Variants in TACC1 observed in about 807,000 individuals in gnomAD.
The protein encoded by TACC1 is transforming acidic coiled-coil containing protein 1.
A neutral mutation model predicts 84.4 loss-of-function variants in TACC1; 48 were observed. The observed-to-expected ratio is 0.57, with a 90% CI of 0.45 to 0.72. TACC1 has a LOEUF of 0.72. Among genes scored for constraint, TACC1 ranks in the 30% least tolerant of loss-of-function variants. TACC1 has a pLI of 0.00. For synonymous variants in TACC1, 372 were observed against 376.3 expected (o/e 0.99, Z 0.13); for missense variants, 920 against 973.0 (o/e 0.95, Z 0.72).
chr8:38,829,483 T>A (rs978188947), intron 5 of TACC1, among the ~76,000 whole-genome samples: 1 of 152,100 alleles, frequency 6.6e-6, no homozygotes, highest in Non-Finnish European at 1.5e-5. Flanking sequence ...TGCTGCCTCT[T>A]ACACAGATCT....
rs185322780 is a variant in TACC1 at position 38,733,917 on chromosome 8, G to A, written c.-675+5246G>A. Among the ~76,000 whole-genome samples the A allele has an allele frequency of 7.3e-3, 1,119 of 152,316 alleles. 4 individuals carry two copies. Among genetic ancestry groups the A allele is most frequent in the Non-Finnish European group, 0.011 (744 of 68,028 alleles). Reference sequence around the variant, plus strand: ...TTTAGGAATCAGCAGTTCTGGGAGAGTTTTTTAAAATGTTGGAATTCGGGT... The same window carrying A: ...TTTAGGAATCAGCAGTTCTGGGAGAATTTTTTAAAATGTTGGAATTCGGGT... On this transcript the variant is annotated intron_variant, in intron 1 of 14. Transcript: ENST00000518415.
intron 1 of TACC1, among the ~76,000 whole-genome samples, chr8:38,739,270 G>A (rs908495868): frequency 6.6e-6 from 1 of 152,188 alleles, no homozygotes; most frequent in African/African-American, 2.4e-5. Context: ...ATTGTCATAT[G>A]GGTCACTGTA....
chr8:38,776,729 A>G (rs1814870036), intron 3 of TACC1, among the ~76,000 whole-genome samples: 1 of 152,206 alleles, frequency 6.6e-6, no homozygotes, highest in Non-Finnish European at 1.5e-5. Flanking sequence ...AGATTGTTGG[A>G]TTAGGGATGC....
At chr8:38,812,017 G>A (rs772492965) in intron 2 of TACC1, among the ~76,000 whole-genome samples, 5 of 152,146 alleles carry the variant, frequency 3.3e-5, no homozygotes, top group Non-Finnish European at 7.4e-5. Context: ...TGTCTTATGC[G>A]GTTGAGATAA....
chr8:38,804,632 T>C (rs903403155), intron 2 of TACC1, among the ~76,000 whole-genome samples: 2 of 152,144 alleles, frequency 1.3e-5, no homozygotes, highest in African/African-American at 4.8e-5. Flanking sequence ...AGATGGGTTC[T>C]CACTCTTTTT....
At chr8:38,762,888 C>T (rs112854833) in intron 3 of TACC1, among the ~76,000 whole-genome samples, 6 of 152,124 alleles carry the variant, frequency 3.9e-5, no homozygotes, top group African/African-American at 9.7e-5. Flanking sequence ...CTTTAAGCAT[C>T]GTTATACAAG....
rs1299707246 is a variant in TACC1, at chr8:38,778,780, T to C, written c.27-9924T>C. Among the ~76,000 whole-genome samples, 4 of 152,284 alleles carry C rather than the reference T, an allele frequency of 2.6e-5. No individual in the cohort carries two copies. In the East Asian group the frequency reaches 7.7e-4, roughly 29 times the overall value. On this transcript the variant is annotated intron_variant, in intron 3 of 14. Coordinates refer to the TACC1 transcript ENST00000518415. ...TCCCAGATGGGGAGAGGCTCCTGGG[T>C]GTCATTTCCCTCATCAACATAGTTT...
chr8:38,805,859 T>G (rs1822572562), intron 2 of TACC1, among the ~76,000 whole-genome samples: 1 of 152,238 alleles, frequency 6.6e-6, no homozygotes, highest in Non-Finnish European at 1.5e-5. Context: ...TTTATATGTT[T>G]GTAAAATTTC....
At chr8:38,769,082 CTGTG>C (rs978473495) in intron 3 of TACC1, among the ~76,000 whole-genome samples, 2 of 120,090 alleles carry the variant, frequency 1.7e-5, no homozygotes, top group African/African-American at 3.3e-5. Flanking sequence ...GTTTGTGTGA[CTGTG>C]TGGTGTGTGT....
Position 38,848,346 on chromosome 8 carries a change from A to C in TACC1, c.*323A>C. ...GTTTTAAAGTCATCTTTACTTTCCC[A>C]AATGTGTTAAATTTGTAACTCCTCT... is the stretch of plus-strand genomic sequence containing the variant. On this transcript the variant is annotated 3_prime_UTR_variant, in exon 13 of 13. Coordinates refer to ENST00000317827, the MANE Select transcript of TACC1 (RefSeq NM_006283.3). The C allele has an allele frequency of 5.0e-6, 1 of 200,098 alleles. No homozygotes were observed. Among genetic ancestry groups the C allele is most frequent in the Non-Finnish European group, 1.0e-5 (1 of 100,234 alleles). 12.4% of individuals were successfully genotyped at this position (200,098 alleles called of 1,614,324 possible).
rs1588186226 is a variant in TACC1 at position 38,848,733 on chromosome 8, A to G, written c.*710A>G. 1 of 152,394 alleles carries G rather than the reference A, an allele frequency of 6.6e-6. No homozygotes were observed. Among genetic ancestry groups the G allele is most frequent in the Admixed American group, 6.5e-5 (1 of 15,278 alleles). 9.4% of individuals were successfully genotyped at this position (152,394 alleles called of 1,614,324 possible). ...CAGTCTTGGGTTTTCATATCTGGAG[A>G]AGACTATTTGCCATGACGTTTTGTT... On this transcript the variant is annotated 3_prime_UTR_variant, in exon 13 of 13. Coordinates refer to ENST00000317827, the MANE Select transcript of TACC1 (RefSeq NM_006283.3).
intron 9 of TACC1, among the ~76,000 whole-genome samples, chr8:38,841,774 G>C (rs1013267194): frequency 1.3e-5 from 2 of 152,156 alleles, no homozygotes; most frequent in African/African-American, 4.8e-5. Context: ...CTCTGCATCA[G>C]ACCCAGCGGT....
At chr8:38,772,465 G>A (rs558206039) in intron 3 of TACC1, among the ~76,000 whole-genome samples, 4 of 152,336 alleles carry the variant, frequency 2.6e-5, no homozygotes, top group Non-Finnish European at 4.4e-5. Context: ...CAGCAAACCC[G>A]TTAAATATCC....
At chr8:38,843,642 T>G in intron 11 of TACC1, 1 of 267,360 alleles carries the variant, frequency 3.7e-6, no homozygotes, top group Non-Finnish European at 7.0e-6. Context: ...TTCTGTTTTT[T>G]CTTCCTATTA....
At chr8:38,817,193 G>A (rs1368749367) in intron 2 of TACC1, among the ~76,000 whole-genome samples, 1 of 145,238 alleles carries the variant, frequency 6.9e-6, no homozygotes, top group African/African-American at 2.8e-5. Context: ...AAGACTCATT[G>A]TTGTACAACT....
At chr8:38,809,041 G>A (rs534804236) in intron 2 of TACC1, among the ~76,000 whole-genome samples, 2 of 152,116 alleles carry the variant, frequency 1.3e-5, no homozygotes, top group Admixed American at 6.5e-5. Context: ...GAAATGACTG[G>A]GCCGGGGGTG....
chr8:38,729,134 C>G (rs1161140772), intron 1 of TACC1, among the ~76,000 whole-genome samples: 1 of 152,126 alleles, frequency 6.6e-6, no homozygotes, highest in Non-Finnish European at 1.5e-5. Context: ...ATTCTCACCA[C>G]GGTGAACGGG....
At chr8:38,831,809 C>CTT (rs34500240) in intron 6 of TACC1, among the ~76,000 whole-genome samples, 1 of 142,470 alleles carries the variant, frequency 7.0e-6, no homozygotes, top group Admixed American at 7.0e-5. Context: ...TTACTCAGTT[C>CTT]TTTTTTTTTT....
intron 1 of TACC1, among the ~76,000 whole-genome samples, chr8:38,736,324 C>T (rs938711246): frequency 5.3e-5 from 8 of 152,178 alleles, no homozygotes; most frequent in Non-Finnish European, 8.8e-5. Flanking sequence ...TGGCTGGGCA[C>T]TGTGGCTCAT....
Sources: allele counts gnomAD v4.1 joint callset (sites outside exome capture counted in the v4.1 genomes callset), GRCh38; gene constraint gnomAD v4.1.1; transcripts MANE v1.5; gene names NCBI Gene and HGNC (gene_info 2026-07-23, HGNC 2026-07-21).